The following PRKCA variants were observed in gnomAD, a reference collection of about 807,000 sequenced individuals.
PRKCA encodes the protein protein kinase C alpha.
Under a neutral mutation model 87.0 loss-of-function variants are expected in PRKCA, and 27 were observed. That is an observed-to-expected ratio of 0.31 (90% CI 0.23 to 0.43). The LOEUF is 0.43. Among genes scored for constraint, PRKCA ranks in the 20% least tolerant of loss-of-function variants. The probability of loss-of-function intolerance (pLI) is 1.00; values close to 1 mark genes in which losing one functional copy is unlikely to be tolerated. For synonymous variants in PRKCA, 329 were observed against 311.1 expected, an observed-to-expected ratio of 1.06 and a Z score of -0.61; for missense variants, 518 against 852.3, an observed-to-expected ratio of 0.61 and a Z score of 4.88.
intron 13 of PRKCA, among the ~76,000 whole-genome samples, chr17:66,746,139 T>A (rs895522205): frequency 1.3e-5 from 2 of 150,884 alleles, no homozygotes; most frequent in Admixed American, 6.6e-5. Flanking sequence ...TTGTTTCACC[T>A]TTTTTGTTGC....
At chr17:66,345,989 C>T (rs1267324339) in intron 2 of PRKCA, among the ~76,000 whole-genome samples, 1 of 152,022 alleles carries the variant, frequency 6.6e-6, no homozygotes, top group East Asian at 1.9e-4. Context: ...TCCATGAGGG[C>T]AGTGTTGCTG....
chr17:66,337,384 T>G (rs1043311646), intron 2 of PRKCA, among the ~76,000 whole-genome samples: 3 of 152,104 alleles, frequency 2.0e-5, no homozygotes, highest in African/African-American at 7.2e-5. Context: ...TAAGTATTGT[T>G]TGTGGTAGAT....
chr17:66,374,533 A>G (rs1057338158), intron 2 of PRKCA, among the ~76,000 whole-genome samples: 8 of 151,958 alleles, frequency 5.3e-5, no homozygotes, highest in Non-Finnish European at 8.8e-5. Context: ...ATCATCCTCC[A>G]TTCCCCTTTG....
At chr17:66,733,955 G>C (rs1416035812) in intron 9 of PRKCA, among the ~76,000 whole-genome samples, 1 of 152,230 alleles carries the variant, frequency 6.6e-6, no homozygotes, top group Non-Finnish European at 1.5e-5. Flanking sequence ...CCAGTTCTCT[G>C]TCCAGTCCAA....
At position 66,688,377 on chromosome 17, in the gene PRKCA, C is replaced by T; in HGVS notation, c.762C>T (p.Asp254=). ...ACTGGGATCGAACAACAAGGAATGACTTCATGGGATCCCTTTCCTTTGGAG... is the reference window on the plus strand; with the variant it reads ...ACTGGGATCGAACAACAAGGAATGATTTCATGGGATCCCTTTCCTTTGGAG... ...IWDWDRTTRN[D]FMGSLSFGVS... Residue 254 remains aspartate (D), a synonymous_variant, in exon 7 of 17, where the codon GAC becomes GAT. Transcript: ENST00000413366. 1 of 1,614,180 alleles carries T rather than the reference C, an allele frequency of 6.2e-7. No homozygotes were observed. The highest frequency in any genetic ancestry group is 8.5e-7 in the Non-Finnish European group (1 of 1,180,026).
At chr17:66,390,794 G>T (rs983295441) in intron 2 of PRKCA, among the ~76,000 whole-genome samples, 7 of 152,194 alleles carry the variant, frequency 4.6e-5, no homozygotes, top group African/African-American at 1.7e-4. Flanking sequence ...CCTATGGGGT[G>T]AGCAGCCATA....
chr17:66,766,150 C>A (rs556876500), intron 13 of PRKCA, among the ~76,000 whole-genome samples: 1 of 152,308 alleles, frequency 6.6e-6, no homozygotes, highest in South Asian at 2.1e-4. Flanking sequence ...AAAAACGAGC[C>A]TTGGCGCTTG....
chr17:66,793,358 G>A (rs985654192), intron 16 of PRKCA, among the ~76,000 whole-genome samples: 1 of 152,104 alleles, frequency 6.6e-6, no homozygotes, highest in Non-Finnish European at 1.5e-5. Flanking sequence ...GGGAGGTCGA[G>A]GCAGGTGGAT....
chr17:66,682,422 A>C (rs1285516255), intron 5 of PRKCA, among the ~76,000 whole-genome samples: 2 of 152,280 alleles, frequency 1.3e-5, no homozygotes, highest in Non-Finnish European at 2.9e-5. Context: ...GCCGTGGCAC[A>C]GATGTATTTC....
At chr17:66,741,573 C>G in intron 11 of PRKCA, 86 bp from the exon 12 acceptor site, 1 of 1,443,776 alleles carries the variant, frequency 6.9e-7, no homozygotes, top group Middle Eastern at 1.8e-4. Flanking sequence ...ATTCTTTTCT[C>G]TCTTTGATGC....
At position 66,808,541 on chromosome 17, in the gene PRKCA, C is replaced by T. The variant is rs1031755910; in HGVS notation, c.*4504C>T. On this transcript the variant is annotated 3_prime_UTR_variant, in exon 17 of 17. Coordinates refer to ENST00000413366, the MANE Select transcript of PRKCA (RefSeq NM_002737.3). Reference sequence around the variant, plus strand: ...GAGTGCCTGTTTCCCCTGCTGGGCACACCAGACAATCGTAATCACAAAACA... The same window carrying T: ...GAGTGCCTGTTTCCCCTGCTGGGCATACCAGACAATCGTAATCACAAAACA... The T allele has an allele frequency of 6.6e-6, 1 of 152,282 alleles. No individual in the cohort carries two copies. Among genetic ancestry groups the T allele is most frequent in the African/African-American group, 2.4e-5 (1 of 41,346 alleles). 9.4% of individuals were successfully genotyped at this position (152,282 alleles called of 1,614,324 possible). A position where few individuals can be genotyped will look rare whatever the true frequency, so the allele number is the denominator to read the frequency against.
At chr17:66,679,869 G>A (rs1972442613) in intron 5 of PRKCA, among the ~76,000 whole-genome samples, 1 of 152,134 alleles carries the variant, frequency 6.6e-6, no homozygotes, top group South Asian at 2.1e-4. Context: ...TTTGTGTGGT[G>A]GACAGGTTAT....
At chr17:66,441,263 G>A (rs1223677645) in intron 2 of PRKCA, among the ~76,000 whole-genome samples, 1 of 151,534 alleles carries the variant, frequency 6.6e-6, no homozygotes, top group Non-Finnish European at 1.5e-5. Flanking sequence ...AGGATGGCCT[G>A]AGGCCAGGAG....
intron 3 of PRKCA, among the ~76,000 whole-genome samples, chr17:66,596,358 A>G (rs1481121030): frequency 6.6e-6 from 1 of 152,046 alleles, no homozygotes; most frequent in Non-Finnish European, 1.5e-5. Context: ...GTTCAATTGG[A>G]TGCGTTTTTC....
At chr17:66,732,416 C>T (rs1024575497) in intron 8 of PRKCA, among the ~76,000 whole-genome samples, 2 of 152,210 alleles carry the variant, frequency 1.3e-5, no homozygotes, top group Non-Finnish European at 2.9e-5. Context: ...CCAACCAGCC[C>T]TTCACGGATC....
At chr17:66,453,313 T>C (rs1252925541) in intron 2 of PRKCA, among the ~76,000 whole-genome samples, 3 of 151,242 alleles carry the variant, frequency 2.0e-5, no homozygotes, top group African/African-American at 7.3e-5. Context: ...TGATCCTTTT[T>C]TTCTTTTTTT....
chr17:66,316,240 T>C (rs2143178512), intron 2 of PRKCA, among the ~76,000 whole-genome samples: 1 of 152,308 alleles, frequency 6.6e-6, no homozygotes, highest in South Asian at 2.1e-4. Flanking sequence ...GAAAAATATG[T>C]AGGGAGCTAC....
chr17:66,717,987 G>A (rs537126151), intron 8 of PRKCA, among the ~76,000 whole-genome samples: 1 of 152,228 alleles, frequency 6.6e-6, no homozygotes, highest in Non-Finnish European at 1.5e-5. Flanking sequence ...TGCACTTACA[G>A]ATCGGATTGT....
intron 3 of PRKCA, among the ~76,000 whole-genome samples, chr17:66,614,944 C>T (rs1406677401): frequency 6.6e-6 from 1 of 151,982 alleles, no homozygotes; most frequent in Non-Finnish European, 1.5e-5. Context: ...TTTATTTTTC[C>T]CTCATGTGAA....
Sources: gnomAD v4.1 joint callset for allele counts (sites outside exome capture counted in the v4.1 genomes callset) on GRCh38, gnomAD v4.1.1 for gene constraint, MANE v1.5 for transcripts, NCBI Gene and HGNC (gene_info 2026-07-23, HGNC 2026-07-21) for gene names.